ZNF585B: variants seen among roughly 807,000 people sequenced by gnomAD.
ZNF585B encodes the protein zinc finger protein 585B, also known as zinc finger protein 41-like protein.
A neutral mutation model predicts 14.0 loss-of-function variants in ZNF585B; 7 were observed. That is an observed-to-expected ratio of 0.50 (90% confidence interval 0.28 to 0.94). The LOEUF is 0.94. Among genes scored for constraint, ZNF585B ranks in the 40% least tolerant of loss-of-function variants. The probability of loss-of-function intolerance (pLI) is 0.09; values close to 1 mark genes in which losing one functional copy is unlikely to be tolerated. For missense variants in ZNF585B, 750 were observed against 924.4 expected, an observed-to-expected ratio of 0.81 and a Z score of 2.45; for synonymous variants, 290 against 317.3, an observed-to-expected ratio of 0.91 and a Z score of 0.91.
At chr19:37,199,038 A>C (rs1344530788) in intron 2 of ZNF585B, 8 of 1,523,300 alleles carry the variant, frequency 5.3e-6, no homozygotes, top group Non-Finnish European at 7.0e-6. Flanking sequence ...ATTTCTTTGA[A>C]AATGGTACCT....
chr19:37,194,118 T>G (rs1972434352), intron 2 of ZNF585B, among the ~76,000 whole-genome samples: 1 of 152,172 alleles, frequency 6.6e-6, no homozygotes, highest in Non-Finnish European at 1.5e-5. Flanking sequence ...GAAATAAGAA[T>G]GGCAGAATGT....
At chr19:37,196,592 C>T (rs921617168) in intron 2 of ZNF585B, among the ~76,000 whole-genome samples, 3 of 152,014 alleles carry the variant, frequency 2.0e-5, no homozygotes, top group African/African-American at 4.8e-5. Context: ...ACCTTCACCT[C>T]TTCCCCCTTT....
In ZNF585B at chr19:37,185,498, T is replaced by C; in HGVS notation, c.2039A>G (p.His680Arg). Reference protein sequence around the residue: ...TFRQKSELITHHRIHTGEKPY... With the variant: ...TFRQKSELITRHRIHTGEKPY... ...TTTCTCTCCAGTATGAATTCTGTGA[T>C]GTGTAATCAACTCTGACTTCTGTCG... The change falls in exon 5 of 5, where the codon CAT (histidine) becomes CGT (arginine). Residue 680 changes from histidine to arginine, a missense_variant. Coordinates refer to ENST00000532828, the MANE Select transcript of ZNF585B (RefSeq NM_152279.4). 6.2e-7 allele frequency: 1 copy of C among 1,612,720 alleles called. No individual in the cohort carries two copies. The highest frequency in any genetic ancestry group is 1.1e-5 in the South Asian group (1 of 91,018).
chr19:37,199,231 TAC>T (rs1231194456), intron 2 of ZNF585B, among the ~76,000 whole-genome samples: 29 of 152,134 alleles, frequency 1.9e-4, no homozygotes, highest in Admixed American at 1.8e-3. Flanking sequence ...GAGCTTCTTA[TAC>T]ACAGTTTGTC....
chr19:37,206,098 A>T (rs545447070), intron 2 of ZNF585B, among the ~76,000 whole-genome samples: 180 of 151,476 alleles, frequency 1.2e-3, no homozygotes, highest in African/African-American at 4.3e-3. Context: ...ATAAATAAAT[A>T]AATAATTTAA....
Position 37,185,260 on chromosome 19 carries a change from T to G in ZNF585B, c.2277A>C (p.Ser759=). The part of the protein sequence containing the change: ...GICGKGFVQK[S]VFSVHQSSHA ...GGCTGCTCTGATGAACACTGAACAC[T>G]GATTTCTGAACGAAGCCTTTCCCAC... is the stretch of plus-strand genomic sequence containing the variant. The change falls in exon 5 of 5, where the codon TCA becomes TCC. Residue 759 remains serine, a synonymous_variant. Transcript: ENST00000532828. The G allele has an allele frequency of 6.2e-7, 1 of 1,613,962 alleles. No homozygotes were observed.
chr19:37,184,782 T>C lies in ZNF585B; in HGVS notation c.*445A>G, dbSNP rs1488552742. On this transcript the variant is annotated 3_prime_UTR_variant, in exon 5 of 5. Transcript: ENST00000532828. ...AAGAAGAAAATACCCACAATTCTAC[T>C]AGACAGTGTGTTCTGGAACAAACAA... is the stretch of plus-strand genomic sequence containing the variant. 2.3e-5 allele frequency: 9 copies of C among 399,188 alleles called. No individual in the cohort carries two copies. Among genetic ancestry groups the C allele is most frequent in the Admixed American group, 4.0e-5 (1 of 24,888 alleles). 24.7% of individuals were successfully genotyped at this position (399,188 alleles called of 1,614,324 possible). A position where few individuals can be genotyped will look rare whatever the true frequency, so the allele number is the denominator to read the frequency against.
rs111873832 is a variant in ZNF585B, at chr19:37,187,786, A to G, written c.293-542T>C. Among the ~76,000 whole-genome samples, 1,178 of 152,324 alleles carry G rather than the reference A, an allele frequency of 7.7e-3. 22 individuals carry two copies. The highest frequency in any genetic ancestry group is 0.027 in the African/African-American group (1,132 of 41,572). On this transcript the variant is annotated intron_variant, in intron 4 of 4. Coordinates refer to ENST00000532828, the MANE Select transcript of ZNF585B (RefSeq NM_152279.4). Reference sequence around the variant, plus strand: ...GAACACAGAGAAAAGGGTAAGGGTGAGTAATTTCATGAGAAGGGTGTGACA... The same window carrying G: ...GAACACAGAGAAAAGGGTAAGGGTGGGTAATTTCATGAGAAGGGTGTGACA...
chr19:37,206,994 C>T, intron 2 of ZNF585B, 46 bp downstream of exon 2: 1 of 1,610,932 alleles, frequency 6.2e-7, no homozygotes, highest in East Asian at 2.2e-5. Flanking sequence ...TTAGAGCTAT[C>T]TACTCTTGGA....
chr19:37,206,940 T>C, intron 2 of ZNF585B, 100 bp downstream of exon 2: 3 of 1,460,324 alleles, frequency 2.1e-6, no homozygotes, highest in Non-Finnish European at 1.9e-6. Flanking sequence ...GTCCAGCTGG[T>C]TCCTAAGGCC....
chr19:37,209,508 G>T (rs537570030), intron 1 of ZNF585B, among the ~76,000 whole-genome samples: 1 of 152,208 alleles, frequency 6.6e-6, no homozygotes, highest in African/African-American at 2.4e-5. Flanking sequence ...TCCAATGTGA[G>T]TAGTTTACCT....
chr19:37,199,113 C>A, intron 2 of ZNF585B: 1 of 869,120 alleles, frequency 1.2e-6, no homozygotes, highest in Non-Finnish European at 1.7e-6. Context: ...ATAGTCACAC[C>A]CTACACACAC....
At chr19:37,195,654 T>A (rs575582482) in intron 2 of ZNF585B, among the ~76,000 whole-genome samples, 1 of 148,018 alleles carries the variant, frequency 6.8e-6, no homozygotes, top group Non-Finnish European at 1.5e-5. Flanking sequence ...ACTATTAAAT[T>A]ACATTCATAA....
rs866811191 is a variant in ZNF585B, at chr19:37,184,431, A to G, written c.*796T>C. On this transcript the variant is annotated 3_prime_UTR_variant, in exon 5 of 5. Transcript: ENST00000532828. ...AAGAAAGAAAGAGAAAGAAAGAAAAAGAAAGAAAGAAGGAAAGAAAGAAAG... is the reference window on the plus strand; with the variant it reads ...AAGAAAGAAAGAGAAAGAAAGAAAAGGAAAGAAAGAAGGAAAGAAAGAAAG... 284 of 78,828 alleles carry G rather than the reference A, an allele frequency of 3.6e-3. 9 individuals are homozygous for G. Among genetic ancestry groups the G allele is most frequent in the African/African-American group, 0.015 (248 of 16,358 alleles). 4.9% of individuals were successfully genotyped at this position (78,828 alleles called of 1,614,324 possible).
chr19:37,193,045 G>A (rs887307528), intron 2 of ZNF585B, among the ~76,000 whole-genome samples: 6 of 151,830 alleles, frequency 4.0e-5, no homozygotes, highest in Admixed American at 1.3e-4. Flanking sequence ...TGAGGCAAGC[G>A]AATCGCTTGA....
At chr19:37,192,853 G>A (rs951641632) in intron 2 of ZNF585B, among the ~76,000 whole-genome samples, 3 of 146,720 alleles carry the variant, frequency 2.0e-5, no homozygotes, top group African/African-American at 7.6e-5. Flanking sequence ...TACACAATGA[G>A]GGCCGGGCAC....
intron 2 of ZNF585B, among the ~76,000 whole-genome samples, chr19:37,196,707 AATAAAT>A (rs1479940258): frequency 6.6e-6 from 1 of 152,190 alleles, no homozygotes; most frequent in Non-Finnish European, 1.5e-5. Context: ...CTTAATAAAT[AATAAAT>A]ATATTTTCTC....
rs1568505099 is a variant in ZNF585B at position 37,184,496 on chromosome 19, G to GAAAGAA, written c.*725_*730dup. On this transcript the variant is annotated 3_prime_UTR_variant, in exon 5 of 5. Transcript: ENST00000532828. ...AGAAAGAAAGAAAGAAAGAAAGAAA[G>GAAAGAA]AAAGAAAGAGAAAGAAAGAAAGAAA... 27 of 91,406 alleles carry GAAAGAA rather than the reference G, an allele frequency of 3.0e-4. 2 individuals are homozygous for GAAAGAA. Among genetic ancestry groups the GAAAGAA allele is most frequent in the African/African-American group, 1.2e-3 (25 of 21,698 alleles). 5.7% of individuals were successfully genotyped at this position (91,406 alleles called of 1,614,324 possible).
At chr19:37,195,061 C>A (rs1009206674) in intron 2 of ZNF585B, among the ~76,000 whole-genome samples, 1 of 151,838 alleles carries the variant, frequency 6.6e-6, no homozygotes, top group Non-Finnish European at 1.5e-5. Flanking sequence ...AATAAATACA[C>A]CTGGCCGGGC....
Sources: allele counts gnomAD v4.1 joint callset (sites outside exome capture counted in the v4.1 genomes callset), GRCh38; gene constraint gnomAD v4.1.1; transcripts MANE v1.5; gene names NCBI Gene and HGNC (gene_info 2026-07-23, HGNC 2026-07-21).